TARDBP: variants seen among roughly 807,000 people sequenced by gnomAD.
The protein encoded by TARDBP is TAR DNA-binding protein 43.
TARDBP carries 4 observed loss-of-function variants against 38.3 expected under a neutral mutation model. The observed-to-expected ratio is 0.10, with a 90% confidence interval of 0.05 to 0.24. TARDBP has a LOEUF of 0.24. Among genes scored for constraint, TARDBP ranks in the 10% least tolerant of loss-of-function variants. The pLI is 1.00. For missense variants in TARDBP, 202 were observed against 521.9 expected (o/e 0.39, Z 5.97); for synonymous variants, 184 against 183.8 (o/e 1.00, Z -0.01).
At position 11,023,484 on chromosome 1, in the gene TARDBP, G is replaced by A; in HGVS notation, c.*830G>A. 1 of 562,318 alleles carries A rather than the reference G, an allele frequency of 1.8e-6. No homozygotes were observed. Among genetic ancestry groups the A allele is most frequent in the South Asian group, 2.4e-5 (1 of 40,856 alleles). 34.8% of individuals were successfully genotyped at this position (562,318 alleles called of 1,614,324 possible). On this transcript the variant is annotated 3_prime_UTR_variant, in exon 6 of 6. Coordinates refer to ENST00000240185, the MANE Select transcript of TARDBP (RefSeq NM_007375.4). ...GCCGAGGCATGAAAGGCTAGTATGA[G>A]CGAGAAAAGGAGAGAGCGCGTGCAG...
downstream of TARDBP, among the ~76,000 whole-genome samples, chr1:11,028,043 G>A (rs1277168578): frequency 6.6e-6 from 1 of 152,038 alleles, no homozygotes; most frequent in Non-Finnish European, 1.5e-5. Flanking sequence ...CCAACATGGT[G>A]AGACCCTGTC....
chr1:11,018,768 G>A lies in TARDBP; in HGVS notation c.438G>A (p.Gly146=). Residue 146 remains glycine, a synonymous_variant, in exon 4 of 6, where the codon GGG becomes GGA. Coordinates refer to ENST00000240185, the MANE Select transcript of TARDBP (RefSeq NM_007375.4). ...KKDLKTGHSK[G]FGFVRFTEYE... Reference sequence around the variant, plus strand: ...ATCTTAAGACTGGTCATTCAAAGGGGTTTGGCTTTGTTCGTTTTACGGAAT... The same window carrying A: ...ATCTTAAGACTGGTCATTCAAAGGGATTTGGCTTTGTTCGTTTTACGGAAT... The A allele has an allele frequency of 6.2e-7, 1 of 1,614,144 alleles. No homozygotes were observed. Among genetic ancestry groups the A allele is most frequent in the Admixed American group, 1.7e-5 (1 of 60,018 alleles).
downstream of TARDBP, chr1:11,027,025 C>G: frequency 6.3e-7 from 1 of 1,598,030 alleles, no homozygotes; most frequent in Non-Finnish European, 8.5e-7. Flanking sequence ...GTTTCACTAT[C>G]TAGAAACACC....
intron 2 of TARDBP, among the ~76,000 whole-genome samples, chr1:11,015,243 T>A (rs1570714129): frequency 6.6e-6 from 1 of 151,946 alleles, no homozygotes; most frequent in Non-Finnish European, 1.5e-5. Flanking sequence ...CCCAGCACTT[T>A]GGGAGGCTGA....
Position 11,022,666 on chromosome 1 carries a change from GTGGT to G in TARDBP, c.*21_*24del, listed in dbSNP as rs1466980477. ...GCTGGGGAATGTAGACAGTGGGGTT[GTGGT>G]TGGTTGGTATAGAATGGTGGGAATT... On this transcript the variant is annotated 3_prime_UTR_variant, in exon 6 of 6. Transcript: ENST00000240185. This position sits in a 1 kb window ranked among gnomAD's most constrained non-coding sequence, Gnocchi z 4.5. The G allele has an allele frequency of 6.2e-7, 1 of 1,608,332 alleles. No individual in the cohort carries two copies. Among genetic ancestry groups the G allele is most frequent in the Non-Finnish European group, 8.5e-7 (1 of 1,177,506 alleles).
In TARDBP at chr1:11,022,414, T is replaced by A. The variant is rs998379166; in HGVS notation, c.1005T>A (p.Gly335=). The change falls in exon 6 of 6, where the codon GGT becomes GGA. Residue 335 remains glycine (G), a synonymous_variant. Transcript: ENST00000240185. This position sits in a 1 kb window ranked among gnomAD's most constrained non-coding sequence, Gnocchi z 4.5. The stretch of plus-strand genomic sequence containing the variant: ...AGGCAGCACTACAGAGCAGTTGGGG[T>A]ATGATGGGCATGTTAGCCAGCCAGC... ...AAQAALQSSW[G]MMGMLASQQN... is the part of the protein sequence containing the mutation. 6.2e-7 allele frequency: 1 copy of A among 1,613,906 alleles called. No homozygotes were observed. Among genetic ancestry groups the A allele is most frequent in the Admixed American group, 1.7e-5 (1 of 60,008 alleles).
At chr1:11,020,363 C>A in intron 4 of TARDBP, 66 bp from the exon 5 acceptor site, 4 of 1,592,380 alleles carry the variant, frequency 2.5e-6, no homozygotes, top group Admixed American at 1.7e-5. Flanking sequence ...ATATCCCTTA[C>A]CTTAATGTTT....
downstream of TARDBP, chr1:11,027,636 G>A (rs372402760): frequency 1.0e-5 from 16 of 1,604,450 alleles, no homozygotes; most frequent in Non-Finnish European, 1.4e-5. Context: ...TGTGCGGGCT[G>A]ATAGTCCACA....
At chr1:11,029,246 C>T (rs945117064), downstream of TARDBP, among the ~76,000 whole-genome samples, 8 of 151,648 alleles carry the variant, frequency 5.3e-5, no homozygotes, top group African/African-American at 1.5e-4. Flanking sequence ...GTGATCTTTC[C>T]GCCTTGGCCT....
At chr1:11,026,010 A>G (rs1253877066), downstream of TARDBP, 1 of 150,974 alleles carries the variant, frequency 6.6e-6, no homozygotes, top group Non-Finnish European at 1.5e-5. Flanking sequence ...AAAAATACAG[A>G]TTTCTCTATA....
Position 11,025,020 on chromosome 1 carries a change from A to G in TARDBP, c.*2366A>G, listed in dbSNP as rs1253297053. On this transcript the variant is annotated 3_prime_UTR_variant, in exon 6 of 6. Coordinates refer to ENST00000240185, the MANE Select transcript of TARDBP (RefSeq NM_007375.4). ...TGTTTCATTATTCAGTTTCCTCTGT[A>G]AAGGGATCTTGAGTTGTTTTAATTT... 1.3e-5 allele frequency: 2 copies of G among 152,618 alleles called. No individual in the cohort carries two copies. The highest frequency in any genetic ancestry group is 1.9e-4 in the East Asian group (1 of 5,202). 9.5% of individuals were successfully genotyped at this position (152,618 alleles called of 1,614,324 possible). A position where few individuals can be genotyped will look rare whatever the true frequency, so the allele number is the denominator to read the frequency against.
At chr1:11,028,707 T>TG (rs1557665486), downstream of TARDBP, among the ~76,000 whole-genome samples, 2 of 3,496 alleles carry the variant, frequency 5.7e-4, no homozygotes, top group South Asian at 8.5e-3. Context: ...GTTTTTTTTC[T>TG]TTTTTTTTTT....
At chr1:11,018,999 G>A in intron 4 of TARDBP, 126 bp downstream of exon 4, 1 of 1,381,176 alleles carries the variant, frequency 7.2e-7, no homozygotes, top group Non-Finnish European at 1.0e-6. Context: ...TTGTCTTGTT[G>A]AAGTCTTTGG....
Position 11,022,891 on chromosome 1 carries a change from T to A in TARDBP, c.*237T>A, listed in dbSNP as rs573267417. On this transcript the variant is annotated 3_prime_UTR_variant, in exon 6 of 6. Coordinates refer to ENST00000240185, the MANE Select transcript of TARDBP (RefSeq NM_007375.4). The surrounding 1 kb of genome is among the most constrained non-coding windows in gnomAD (Gnocchi z 4.5). ...TATTGAGTGGTTGAAAGTGAACTGC[T>A]GTTTGCCTGATTGGTAAACCAACAC... The A allele has an allele frequency of 2.2e-6, 3 of 1,367,004 alleles. No homozygotes were observed. In the East Asian group the frequency reaches 8.2e-5, roughly 37 times the overall value. 84.7% of individuals were successfully genotyped at this position (1,367,004 alleles called of 1,614,324 possible). A position where few individuals can be genotyped will look rare whatever the true frequency, so the allele number is the denominator to read the frequency against.
At chr1:11,018,306 A>T (rs1034042166) in intron 3 of TARDBP, 17 of 232,486 alleles carry the variant, frequency 7.3e-5, no homozygotes, top group African/African-American at 3.7e-4. Flanking sequence ...CTTGTGCCTC[A>T]GCCTCCCAAG....
chr1:11,020,630 C>T (rs759506645), intron 5 of TARDBP, 31 bp downstream of exon 5: 123 of 1,600,770 alleles, frequency 7.7e-5, no homozygotes, highest in Non-Finnish European at 2.2e-5. Flanking sequence ...ATGTCCCGGC[C>T]GGGCGTGGTG....
intron 4 of TARDBP, chr1:11,019,116 A>C: frequency 3.7e-6 from 2 of 538,524 alleles, no homozygotes; most frequent in Admixed American, 3.1e-5. Flanking sequence ...TATGGATGGA[A>C]AAGAGAAAAG....
downstream of TARDBP, chr1:11,025,984 G>A (rs936826371): frequency 8.4e-5 from 13 of 154,870 alleles, no homozygotes; most frequent in Middle Eastern, 1.0e-3. Flanking sequence ...AGTATTTCAT[G>A]TTCATTGTAA....
downstream of TARDBP, among the ~76,000 whole-genome samples, chr1:11,028,550 C>T (rs576602861): frequency 2.0e-5 from 3 of 152,150 alleles, no homozygotes; most frequent in South Asian, 2.1e-4. Context: ...AAATTAAATA[C>T]GCCCATTAAT....
Sources: gnomAD v4.1 joint callset for allele counts (sites outside exome capture counted in the v4.1 genomes callset) on GRCh38, gnomAD v4.1.1 for gene constraint, Gnocchi (gnomAD v3.1) non-coding constraint, MANE v1.5 for transcripts, NCBI Gene and HGNC (gene_info 2026-07-23, HGNC 2026-07-21) for gene names.